Variants in P2RY2 observed in about 807,000 individuals in gnomAD.
P2RY2 encodes P2Y purinoceptor 2.
For missense variants in P2RY2, 567 were observed against 515.7 expected, an observed-to-expected ratio of 1.10 and a Z score of -0.96; for synonymous variants, 241 against 231.9, an observed-to-expected ratio of 1.04 and a Z score of -0.35.
In P2RY2 at chr11:73,236,656, G is replaced by C. The variant is rs1171362848; in HGVS notation, c.*1363G>C. ...TGGGTCACAAGGAGGCCAAGTTAGG[G>C]CTCCCTCCTTGCCCTGACCCTGAGG... On this transcript the variant is annotated 3_prime_UTR_variant, in exon 3 of 3. Coordinates refer to ENST00000393597, the MANE Select transcript of P2RY2 (RefSeq NM_002564.4). 1.0e-6 allele frequency: 1 copy of C among 985,310 alleles called. No homozygotes were observed. Among genetic ancestry groups the C allele is most frequent in the African/African-American group, 1.7e-5 (1 of 57,234 alleles). 61.0% of individuals were successfully genotyped at this position (985,310 alleles called of 1,614,324 possible).
chr11:73,227,387 A>G (rs1010847583), intron 1 of P2RY2, among the ~76,000 whole-genome samples: 2 of 151,718 alleles, frequency 1.3e-5, no homozygotes, highest in Admixed American at 6.6e-5. Flanking sequence ...CGTCCACTGC[A>G]TGTACACCTT....
At chr11:73,232,047 CTAAAAAT>C (rs1240167494) in intron 2 of P2RY2, among the ~76,000 whole-genome samples, 17 of 152,042 alleles carry the variant, frequency 1.1e-4, no homozygotes, top group Non-Finnish European at 2.1e-4. Flanking sequence ...TGGACTCCGT[CTAAAAAT>C]TAAAAATTAA....
intron 2 of P2RY2, among the ~76,000 whole-genome samples, chr11:73,230,613 T>C (rs1040262377): frequency 6.6e-6 from 1 of 152,110 alleles, no homozygotes; most frequent in African/African-American, 2.4e-5. Context: ...AGGTTCTTAA[T>C]CACTGGGTTC....
chr11:73,241,145 C>A lies in P2RY2; in HGVS notation c.*5852C>A, dbSNP rs1047631513. On this transcript the variant is annotated 3_prime_UTR_variant, in exon 3 of 3. Transcript: ENST00000393597. ...ACCTGGAAGAGGTCCCTCACCAGAT[C>A]CCAACCATGCTGGCACCCCGATCTT... 1 of 152,214 alleles carries A rather than the reference C, an allele frequency of 6.6e-6. No homozygotes were observed. The highest frequency in any genetic ancestry group is 2.4e-5 in the African/African-American group (1 of 41,440). The allele number at this position is 152,214 out of a possible 1,614,324, so 9.4% of individuals were successfully genotyped here.
intron 1 of P2RY2, among the ~76,000 whole-genome samples, chr11:73,219,435 C>G (rs2135626379): frequency 6.6e-6 from 1 of 152,330 alleles, no homozygotes; most frequent in South Asian, 2.1e-4. Flanking sequence ...GCCTCAGTGG[C>G]CTCGTCTGTA....
intron 2 of P2RY2, among the ~76,000 whole-genome samples, chr11:73,229,614 G>A (rs1055162203): frequency 4.6e-5 from 7 of 152,058 alleles, no homozygotes; most frequent in South Asian, 2.1e-4. Context: ...GGGCCACGGC[G>A]ATGGAGTCCC....
At chr11:73,218,809 G>A (rs1591620870) in intron 1 of P2RY2, among the ~76,000 whole-genome samples, 1 of 152,198 alleles carries the variant, frequency 6.6e-6, no homozygotes, top group Non-Finnish European at 1.5e-5. Context: ...CGTCCCCGTG[G>A]CGTGAGGCGG....
Position 73,234,883 on chromosome 11 carries a change from A to G in P2RY2, c.724A>G (p.Lys242Glu). 6.2e-7 allele frequency: 1 copy of G among 1,610,746 alleles called. No individual in the cohort carries two copies. Among genetic ancestry groups the G allele is most frequent in the Non-Finnish European group, 8.5e-7 (1 of 1,179,964 alleles). Residue 242 changes from lysine to glutamate, a missense_variant, in exon 3 of 3, where the codon AAG becomes GAG. Lys to Glu is a moderately conservative substitution (Grantham distance 56). Coordinates refer to ENST00000393597, the MANE Select transcript of P2RY2 (RefSeq NM_002564.4). ...GGGCGGCCTGCCTAGGGCCAAGCGC[A>G]AGTCCGTGCGCACCATCGCCGTGGT... The part of the protein sequence containing the change: ...TSGGLPRAKR[K>E]SVRTIAVVLA...
Position 73,239,000 on chromosome 11 carries a change from C to T in P2RY2, c.*3707C>T, listed in dbSNP as rs1229890352. On this transcript the variant is annotated 3_prime_UTR_variant, in exon 3 of 3. Coordinates refer to ENST00000393597, the MANE Select transcript of P2RY2 (RefSeq NM_002564.4). ...TAATCTTGCAGCACCTCAGTTTTCCCATTTCTAAAGTGTGCTGCTACCTTC... is the reference window on the plus strand; with the variant it reads ...TAATCTTGCAGCACCTCAGTTTTCCTATTTCTAAAGTGTGCTGCTACCTTC... 1 of 152,264 alleles carries T rather than the reference C, an allele frequency of 6.6e-6. No homozygotes were observed. The highest frequency in any genetic ancestry group is 1.5e-5 in the Non-Finnish European group (1 of 68,062). 9.4% of individuals were successfully genotyped at this position (152,264 alleles called of 1,614,324 possible). A position where few individuals can be genotyped will look rare whatever the true frequency, so the allele number is the denominator to read the frequency against.
Position 73,236,071 on chromosome 11 carries a change from A to C in P2RY2, c.*778A>C. The C allele has an allele frequency of 1.0e-6, 1 of 997,250 alleles. No individual in the cohort carries two copies. The highest frequency in any genetic ancestry group is 1.2e-6 in the Non-Finnish European group (1 of 827,280). 61.8% of individuals were successfully genotyped at this position (997,250 alleles called of 1,614,324 possible). The stretch of plus-strand genomic sequence containing the variant: ...GCTGTCTCAGGAGTAGTCTCATATC[A>C]GGGATCCTCTCTCCAGGCCCCAGGT... On this transcript the variant is annotated 3_prime_UTR_variant, in exon 3 of 3. Coordinates refer to ENST00000393597, the MANE Select transcript of P2RY2 (RefSeq NM_002564.4).
chr11:73,229,463 A>G (rs961466046), intron 2 of P2RY2, among the ~76,000 whole-genome samples: 1 of 151,834 alleles, frequency 6.6e-6, no homozygotes, highest in East Asian at 1.9e-4. Flanking sequence ...GGCAGAAGGG[A>G]GACTTAAGGG....
Position 73,235,724 on chromosome 11 carries a change from T to C in P2RY2, c.*431T>C, listed in dbSNP as rs1281411602. On this transcript the variant is annotated 3_prime_UTR_variant, in exon 3 of 3. Coordinates refer to ENST00000393597, the MANE Select transcript of P2RY2 (RefSeq NM_002564.4). Reference sequence around the variant, plus strand: ...CCTGGGGTGGGGGCCAAGTCACAGGTTGGCCAGAAAACCCTGGTAAGTAAT... The same window carrying C: ...CCTGGGGTGGGGGCCAAGTCACAGGCTGGCCAGAAAACCCTGGTAAGTAAT... 1 of 1,006,790 alleles carries C rather than the reference T, an allele frequency of 9.9e-7. No homozygotes were observed. The highest frequency in any genetic ancestry group is 1.2e-6 in the Non-Finnish European group (1 of 834,914). 62.4% of individuals were successfully genotyped at this position (1,006,790 alleles called of 1,614,324 possible).
Position 73,237,360 on chromosome 11 carries a change from G to C in P2RY2, c.*2067G>C, listed in dbSNP as rs1471681091. Among the ~76,000 whole-genome samples the C allele has an allele frequency of 6.6e-6, 1 of 152,040 alleles. No homozygotes were observed. Among genetic ancestry groups the C allele is most frequent in the East Asian group, 1.9e-4 (1 of 5,182 alleles). ...CCTCCCGGGTTCAAGCAATTCTCCT[G>C]CCTCAGTTTCCCAAGTAGCTGGGAT... On this transcript the variant is annotated 3_prime_UTR_variant, in exon 3 of 3. Transcript: ENST00000393597.
At chr11:73,233,242 T>G (rs905933906) in intron 2 of P2RY2, among the ~76,000 whole-genome samples, 5 of 152,210 alleles carry the variant, frequency 3.3e-5, no homozygotes, top group African/African-American at 7.2e-5. Context: ...GGGGCAGGAC[T>G]GCTGTTGATA....
At chr11:73,231,962 A>G (rs988512403) in intron 2 of P2RY2, among the ~76,000 whole-genome samples, 4 of 152,218 alleles carry the variant, frequency 2.6e-5, no homozygotes, top group Non-Finnish European at 5.9e-5. Flanking sequence ...AGACAGGAGA[A>G]TCGCTTGAAC....
At chr11:73,226,699 G>GTGC (rs1862288142) in intron 1 of P2RY2, among the ~76,000 whole-genome samples, 1 of 152,190 alleles carries the variant, frequency 6.6e-6, no homozygotes, top group South Asian at 2.1e-4. Context: ...GGTACCTGAG[G>GTGC]TGCTGGTGGA....
Position 73,236,259 on chromosome 11 carries a change from G to A in P2RY2, c.*966G>A, listed in dbSNP as rs1862650185. 1 of 848,132 alleles carries A rather than the reference G, an allele frequency of 1.2e-6. No individual in the cohort carries two copies. Among genetic ancestry groups the A allele is most frequent in the African/African-American group, 1.8e-5 (1 of 54,390 alleles). The allele number at this position is 848,132 out of a possible 1,614,324, so 52.5% of individuals were successfully genotyped here. A position where few individuals can be genotyped will look rare whatever the true frequency, so the allele number is the denominator to read the frequency against. ...TTAACTGGAGCTCCGATTTAACTGG[G>A]AACCCCTTCTTTGTAGAACTGCCCA... On this transcript the variant is annotated 3_prime_UTR_variant, in exon 3 of 3. Coordinates refer to ENST00000393597, the MANE Select transcript of P2RY2 (RefSeq NM_002564.4).
In P2RY2 at chr11:73,234,596, G is replaced by T. The variant is rs765341118; in HGVS notation, c.437G>T (p.Arg146Leu). ...LRPLRSLRWG[R>L]ARYARRVAGA... ...CCTCTGCGCTCCCTGCGCTGGGGCC[G>T]GGCCCGCTACGCTCGCCGGGTGGCC... is the stretch of plus-strand genomic sequence containing the variant. Residue 146 changes from arginine (R) to leucine (L), a missense_variant, in exon 3 of 3, where the codon CGG becomes CTG. Physicochemically the swap from Arg to Leu is moderately radical, Grantham distance 102. Coordinates refer to ENST00000393597, the MANE Select transcript of P2RY2 (RefSeq NM_002564.4). The T allele has an allele frequency of 3.8e-6, 6 of 1,569,114 alleles. No individual in the cohort carries two copies. The highest frequency in any genetic ancestry group is 5.2e-6 in the Non-Finnish European group (6 of 1,156,766).
In P2RY2 at chr11:73,235,749, T is replaced by C. The variant is rs765968183; in HGVS notation, c.*456T>C. 95 of 1,004,568 alleles carry C rather than the reference T, an allele frequency of 9.5e-5. No individual in the cohort carries two copies. Among genetic ancestry groups the C allele is most frequent in the Non-Finnish European group, 1.1e-4 (93 of 833,248 alleles). 62.2% of individuals were successfully genotyped at this position (1,004,568 alleles called of 1,614,324 possible). ...TTGGCCAGAAAACCCTGGTAAGTAA[T>C]GAGGGCTGAGTTTGCACAGTGGTCT... On this transcript the variant is annotated 3_prime_UTR_variant, in exon 3 of 3. Transcript: ENST00000393597.
Sources: allele counts gnomAD v4.1 joint callset (sites outside exome capture counted in the v4.1 genomes callset), GRCh38; gene constraint gnomAD v4.1.1; transcripts MANE v1.5; gene names NCBI Gene and HGNC (gene_info 2026-07-23, HGNC 2026-07-21).